LEMD1: variants seen among roughly 807,000 people sequenced by gnomAD.
The protein encoded by LEMD1 is LEM domain containing 1.
Under a neutral mutation model 17.4 loss-of-function variants are expected in LEMD1, and 18 were observed. The ratio of observed to expected loss-of-function variants is 1.04; its 90% CI spans 0.72 to 1.54. LEMD1 has a LOEUF of 1.54. Among genes scored for constraint, LEMD1 ranks in the 40% most tolerant of loss-of-function variants. LEMD1 has a pLI of 0.00. For missense variants in LEMD1, 195 were observed against 210.4 expected, an observed-to-expected ratio of 0.93 and a Z score of 0.45; for synonymous variants, 88 against 77.8, an observed-to-expected ratio of 1.13 and a Z score of -0.69.
At chr1:205,396,679 G>T (rs1301899585) in intron 4 of LEMD1, among the ~76,000 whole-genome samples, 1 of 152,320 alleles carries the variant, frequency 6.6e-6, no homozygotes, top group African/African-American at 2.4e-5. Flanking sequence ...AAGGGAAGCT[G>T]CAGAAGAAAA....
chr1:205,405,084 A>T (rs1170948275), intron 4 of LEMD1, among the ~76,000 whole-genome samples: 4 of 152,284 alleles, frequency 2.6e-5, no homozygotes, highest in African/African-American at 9.6e-5. Context: ...TGTTAGTCTG[A>T]TGGGCTTCCC....
intron 3 of LEMD1, among the ~76,000 whole-genome samples, chr1:205,418,421 T>TA (rs1385176712): frequency 6.6e-6 from 1 of 152,214 alleles, no homozygotes; most frequent in African/African-American, 2.4e-5. Context: ...CCCTGTTCCC[T>TA]ACCCATTCTG....
chr1:205,432,104 G>T (rs1449428095), intron 1 of LEMD1, among the ~76,000 whole-genome samples: 1 of 152,180 alleles, frequency 6.6e-6, no homozygotes, highest in East Asian at 1.9e-4. Context: ...ATAACCACGT[G>T]ATATCTTTGA....
chr1:205,447,981 C>T (rs570129746), intron 1 of LEMD1, among the ~76,000 whole-genome samples: 34 of 152,326 alleles, frequency 2.2e-4, no homozygotes, highest in South Asian at 6.2e-4. Context: ...TTGACTTCAG[C>T]CCCCAAATCT....
At chr1:205,390,625 A>G (rs1363113566) in intron 4 of LEMD1, among the ~76,000 whole-genome samples, 1 of 152,224 alleles carries the variant, frequency 6.6e-6, no homozygotes, top group Non-Finnish European at 1.5e-5. Context: ...AAAAAGTATT[A>G]CAATTGCAAA....
At chr1:205,382,049 T>C (rs1663728645) in intron 5 of LEMD1, 193 bp from the exon 6 acceptor site, 5 of 591,606 alleles carry the variant, frequency 8.5e-6, no homozygotes, top group South Asian at 8.2e-5. Context: ...TTGTCCAGGC[T>C]GGAGTGCAGT....
chr1:205,399,088 G>C (rs1404828832), intron 4 of LEMD1, among the ~76,000 whole-genome samples: 1 of 152,060 alleles, frequency 6.6e-6, no homozygotes, highest in Non-Finnish European at 1.5e-5. Flanking sequence ...GGTGGTGCAA[G>C]CCTGTAGTTC....
intron 4 of LEMD1, among the ~76,000 whole-genome samples, chr1:205,411,160 AAG>A (rs1457116411): frequency 6.1e-5 from 9 of 148,600 alleles, no homozygotes; most frequent in South Asian, 4.3e-4. Context: ...AGAAAGAAGA[AAG>A]AGAGAGAGAA....
chr1:205,394,217 G>A (rs1187261145), intron 4 of LEMD1, among the ~76,000 whole-genome samples: 1 of 151,550 alleles, frequency 6.6e-6, no homozygotes, highest in African/African-American at 2.4e-5. Flanking sequence ...GGTGGGGTGG[G>A]GGGTAGAGCG....
intron 4 of LEMD1, among the ~76,000 whole-genome samples, chr1:205,414,620 C>T (rs1442867792): frequency 6.6e-6 from 1 of 151,760 alleles, no homozygotes; most frequent in Admixed American, 6.6e-5. Flanking sequence ...ACATGGTCTC[C>T]CTAGGTTGCC....
chr1:205,387,414 T>C (rs1246075718), intron 4 of LEMD1: 1 of 152,170 alleles, frequency 6.6e-6, no homozygotes, highest in East Asian at 1.9e-4. Context: ...AGAGGTAAAT[T>C]GAAAAAATAA....
intron 4 of LEMD1, among the ~76,000 whole-genome samples, chr1:205,409,287 A>G (rs1168304451): frequency 1.3e-5 from 2 of 152,232 alleles, no homozygotes; most frequent in African/African-American, 4.8e-5. Flanking sequence ...TAAAAGTTCA[A>G]TACTAAACAT....
At chr1:205,412,654 G>A (rs1665504356) in intron 4 of LEMD1, among the ~76,000 whole-genome samples, 1 of 152,218 alleles carries the variant, frequency 6.6e-6, no homozygotes, top group South Asian at 2.1e-4. Flanking sequence ...ACATGGAAAT[G>A]TGAATGCTTA....
intron 4 of LEMD1, among the ~76,000 whole-genome samples, chr1:205,395,175 A>T (rs1023070409): frequency 1.3e-5 from 2 of 152,170 alleles, no homozygotes; most frequent in Non-Finnish European, 2.9e-5. Flanking sequence ...TAGGGCAAGG[A>T]AAAAAGATAG....
intron 4 of LEMD1, among the ~76,000 whole-genome samples, chr1:205,401,237 G>GT (rs1664837143): frequency 6.6e-6 from 1 of 152,126 alleles, no homozygotes; most frequent in Admixed American, 6.6e-5. Flanking sequence ...GGGTCAAATG[G>GT]TATTTCTAGT....
At chr1:205,429,766 G>T (rs1208943135) in intron 1 of LEMD1, among the ~76,000 whole-genome samples, 1 of 151,862 alleles carries the variant, frequency 6.6e-6, no homozygotes, top group Non-Finnish European at 1.5e-5. Flanking sequence ...CATTTTTCTC[G>T]GCTATTTTGA....
chr1:205,408,328 T>TACACACACACAC (rs34904075), intron 4 of LEMD1, among the ~76,000 whole-genome samples: 172 of 148,882 alleles, frequency 1.2e-3, no homozygotes, highest in African/African-American at 4.0e-3. Flanking sequence ...AATGGTAGGG[T>TACACACACACAC]ACACACACAC....
chr1:205,431,322 A>C (rs1043348012), intron 1 of LEMD1, among the ~76,000 whole-genome samples: 4 of 152,208 alleles, frequency 2.6e-5, no homozygotes, highest in Non-Finnish European at 4.4e-5. Context: ...CAACATGCAC[A>C]CTTGCGATTC....
Position 205,381,700 on chromosome 1 carries a change from C to G in LEMD1, c.504G>C (p.Val168=). 1 of 1,614,230 alleles carries G rather than the reference C, an allele frequency of 6.2e-7. No homozygotes were observed. The highest frequency in any genetic ancestry group is 8.5e-7 in the Non-Finnish European group (1 of 1,180,040). ...TATTTTCCACAGTCAGGTAGACAAA[C>G]ACCACAATGATGAAAATACCAAGCA... is the stretch of plus-strand genomic sequence containing the variant. ...LAVLGIFIIV[V]FVYLTVENKS... Residue 168 remains valine, a synonymous_variant, in exon 6 of 6, where the codon GTG becomes GTC. Coordinates refer to ENST00000367153, the MANE Select transcript of LEMD1 (RefSeq NM_001199050.2).
Sources: gnomAD v4.1 joint callset for allele counts (sites outside exome capture counted in the v4.1 genomes callset) on GRCh38, gnomAD v4.1.1 for gene constraint, MANE v1.5 for transcripts, NCBI Gene and HGNC (gene_info 2026-07-23, HGNC 2026-07-21) for gene names.